The following MAPKAP1 variants were observed in gnomAD, a reference collection of about 807,000 sequenced individuals.
MAPKAP1 encodes target of rapamycin complex 2 subunit MAPKAP1.
MAPKAP1 carries 20 observed loss-of-function variants against 65.7 expected under a neutral mutation model. That is an observed-to-expected ratio of 0.30 (90% CI 0.21 to 0.44). The LOEUF (loss-of-function observed/expected upper bound fraction) is 0.44. Among genes scored for constraint, MAPKAP1 ranks in the 20% least tolerant of loss-of-function variants. The probability of loss-of-function intolerance (pLI) is 1.00; values close to 1 mark genes in which losing one functional copy is unlikely to be tolerated. For synonymous variants in MAPKAP1, 222 were observed against 244.3 expected, an observed-to-expected ratio of 0.91 and a Z score of 0.85; for missense variants, 423 against 648.0, an observed-to-expected ratio of 0.65 and a Z score of 3.77.
chr9:125,580,960 T>C (rs1831605965), intron 5 of MAPKAP1, among the ~76,000 whole-genome samples: 1 of 152,248 alleles, frequency 6.6e-6, no homozygotes, highest in East Asian at 1.9e-4. Context: ...ATAAATGGAA[T>C]TGGGTGATAT....
chr9:125,652,208 G>A (rs200229962), intron 4 of MAPKAP1: 35 of 1,315,236 alleles, frequency 2.7e-5, no homozygotes, highest in Non-Finnish European at 3.5e-5. Context: ...TAATGCCAAT[G>A]ATTGTAGAAA....
chr9:125,578,043 A>G (rs1185736674), intron 5 of MAPKAP1, among the ~76,000 whole-genome samples: 1 of 152,040 alleles, frequency 6.6e-6, no homozygotes, highest in Non-Finnish European at 1.5e-5. Context: ...GTGTCTGTGT[A>G]GAAAGAGGTA....
chr9:125,596,038 T>C (rs922254910), intron 4 of MAPKAP1: 6 of 1,403,952 alleles, frequency 4.3e-6, no homozygotes, highest in Non-Finnish European at 5.0e-6. Flanking sequence ...CGAGATTATT[T>C]TGAACAGCGT....
chr9:125,621,312 T>C (rs1268214735), intron 4 of MAPKAP1, among the ~76,000 whole-genome samples: 1 of 151,972 alleles, frequency 6.6e-6, no homozygotes, highest in Non-Finnish European at 1.5e-5. Flanking sequence ...AAAAGTGCTA[T>C]CATTTATTGA....
chr9:125,641,479 T>C (rs1167144485), intron 4 of MAPKAP1, among the ~76,000 whole-genome samples: 1 of 152,208 alleles, frequency 6.6e-6, no homozygotes, highest in Non-Finnish European at 1.5e-5. Flanking sequence ...AAACAGCCCA[T>C]CAGTTTTTCT....
At chr9:125,636,920 TA>T in intron 4 of MAPKAP1, among the ~76,000 whole-genome samples, 1 of 152,216 alleles carries the variant, frequency 6.6e-6, no homozygotes, top group East Asian at 1.9e-4. Flanking sequence ...TAAGAAGACA[TA>T]CATACATGCA....
At chr9:125,635,510 T>G (rs1038934341) in intron 4 of MAPKAP1, among the ~76,000 whole-genome samples, 3 of 152,202 alleles carry the variant, frequency 2.0e-5, no homozygotes, top group Non-Finnish European at 4.4e-5. Context: ...TTTGCTAAAA[T>G]GCGCCCTACC....
At chr9:125,668,340 G>C (rs1253082084) in intron 3 of MAPKAP1, among the ~76,000 whole-genome samples, 1 of 152,126 alleles carries the variant, frequency 6.6e-6, no homozygotes, top group Non-Finnish European at 1.5e-5. Context: ...CCTACACCTT[G>C]CAAGATCACT....
Position 125,595,574 on chromosome 9 carries a change from G to T in MAPKAP1, c.499-9847C>A. 8.0e-7 allele frequency: 1 copy of T among 1,242,714 alleles called. No individual in the cohort carries two copies. The highest frequency in any genetic ancestry group is 2.0e-5 in the South Asian group (1 of 50,682). 77.0% of individuals were successfully genotyped at this position (1,242,714 alleles called of 1,614,324 possible). On this transcript the variant is annotated intron_variant, in intron 4 of 11. Coordinates refer to ENST00000265960, the MANE Select transcript of MAPKAP1 (RefSeq NM_001006617.3). The surrounding 1 kb of genome is among the most constrained non-coding windows in gnomAD (Gnocchi z 4.0). Reference sequence around the variant, plus strand: ...ATGGGATTCAGTTCAAAATAATCTTGAATTAAGAAATATCATGCTATGTTT... The same window carrying T: ...ATGGGATTCAGTTCAAAATAATCTTTAATTAAGAAATATCATGCTATGTTT...
Position 125,491,486 on chromosome 9 carries a change from T to A in MAPKAP1, c.1067-6903A>T, listed in dbSNP as rs968691830. On this transcript the variant is annotated intron_variant, in intron 8 of 11. Coordinates refer to ENST00000265960, the MANE Select transcript of MAPKAP1 (RefSeq NM_001006617.3). ...AATTATAGTTACTTTTCATAAAATT[T>A]GTCATTTGGGCCAGGCATGGTGGCT... Among the ~76,000 whole-genome samples the A allele has an allele frequency of 3.9e-5, 6 of 152,064 alleles. No homozygotes were observed. In the South Asian group the frequency reaches 1.0e-3, roughly 26 times the overall value.
At chr9:125,509,911 A>G (rs924007484) in intron 7 of MAPKAP1, among the ~76,000 whole-genome samples, 6 of 152,230 alleles carry the variant, frequency 3.9e-5, no homozygotes, top group African/African-American at 7.2e-5. Flanking sequence ...TCTCAAAGCC[A>G]TAAATGCCAT....
intron 7 of MAPKAP1, among the ~76,000 whole-genome samples, chr9:125,541,089 T>C (rs1048323180): frequency 6.6e-6 from 1 of 152,216 alleles, no homozygotes; most frequent in Non-Finnish European, 1.5e-5. Flanking sequence ...TCAATTGGCT[T>C]CTCTTGTATG....
intron 5 of MAPKAP1, 51 bp downstream of exon 5, chr9:125,585,504 G>A: frequency 3.8e-6 from 6 of 1,589,834 alleles, no homozygotes; most frequent in Non-Finnish European, 5.2e-6. Flanking sequence ...GACACCTTGG[G>A]TGGCCAAAAG....
intron 5 of MAPKAP1, among the ~76,000 whole-genome samples, chr9:125,571,934 T>C (rs904283854): frequency 3.9e-5 from 6 of 152,190 alleles, no homozygotes; most frequent in South Asian, 2.1e-4. Flanking sequence ...AACTTTTCAT[T>C]TGAGCTATTT....
At chr9:125,698,473 G>A (rs1835498327) in intron 1 of MAPKAP1, among the ~76,000 whole-genome samples, 1 of 150,810 alleles carries the variant, frequency 6.6e-6, no homozygotes. Flanking sequence ...GAGTAACTGG[G>A]ACTATAGGCG....
chr9:125,590,377 C>T (rs1304695642), intron 4 of MAPKAP1, among the ~76,000 whole-genome samples: 2 of 152,082 alleles, frequency 1.3e-5, no homozygotes, highest in African/African-American at 4.8e-5. Context: ...AGGCCAGGTG[C>T]GGTGGCTCAC....
Position 125,467,360 on chromosome 9 carries a change from AT to A in MAPKAP1, c.1345+611del, listed in dbSNP as rs1237739805. 2.6e-5 allele frequency among the ~76,000 whole-genome samples: 4 copies of A among 152,246 alleles called. No homozygotes were observed. In the East Asian group the frequency reaches 7.7e-4, roughly 29 times the overall value. On this transcript the variant is annotated intron_variant, in intron 10 of 11. Coordinates refer to ENST00000265960, the MANE Select transcript of MAPKAP1 (RefSeq NM_001006617.3). ...AATTACTTAACTGCAAAAGTATAAT[AT>A]GCCAAAATACATAACTGGACTGTAT...
intron 7 of MAPKAP1, among the ~76,000 whole-genome samples, chr9:125,508,943 C>T (rs1325584546): frequency 1.3e-5 from 2 of 151,960 alleles, no homozygotes; most frequent in Non-Finnish European, 2.9e-5. Context: ...TGTGATGCTA[C>T]AAAAATATTT....
Position 125,705,814 on chromosome 9 carries a change from G to C in MAPKAP1, c.-70+1157C>G, listed in dbSNP as rs548592411. On this transcript the variant is annotated intron_variant, in intron 1 of 11. Transcript: ENST00000265960. ...AAAGGGGAAACCTAGGCAAGGTAGGGAGAATGTTCTACAAAAATCAATGGA... is the reference window on the plus strand; with the variant it reads ...AAAGGGGAAACCTAGGCAAGGTAGGCAGAATGTTCTACAAAAATCAATGGA... Among the ~76,000 whole-genome samples the C allele has an allele frequency of 3.3e-5, 5 of 152,270 alleles. No individual in the cohort carries two copies. In the East Asian group the frequency reaches 9.6e-4, roughly 29 times the overall value.
Sources: allele counts gnomAD v4.1 joint callset (sites outside exome capture counted in the v4.1 genomes callset), GRCh38; gene constraint gnomAD v4.1.1; non-coding constraint Gnocchi (gnomAD v3.1); transcripts MANE v1.5; gene names NCBI Gene and HGNC (gene_info 2026-07-23, HGNC 2026-07-21).